SAFB: variants seen among roughly 807,000 people sequenced by gnomAD.
SAFB encodes scaffold attachment factor B.
In SAFB, 15 loss-of-function variants were observed where a neutral mutation model predicts 101.6. That is an observed-to-expected ratio of 0.15 (90% CI 0.10 to 0.23). The LOEUF is 0.23. Among genes scored for constraint, SAFB ranks in the 10% least tolerant of loss-of-function variants. SAFB has a pLI of 1.00. For missense variants in SAFB, 930 were observed against 1,104.1 expected, an observed-to-expected ratio of 0.84 and a Z score of 2.23; for synonymous variants, 449 against 407.5, an observed-to-expected ratio of 1.10 and a Z score of -1.23.
At chr19:5,653,519 T>C in intron 11 of SAFB, 99 bp downstream of exon 11, 1 of 1,012,986 alleles carries the variant, frequency 9.9e-7, no homozygotes, top group Non-Finnish European at 1.5e-6. Context: ...CAGACTGGAG[T>C]GCAGTGGTGT....
intron 9 of SAFB, 42 bp downstream of exon 9, chr19:5,651,114 G>A (rs2053928918): frequency 4.6e-6 from 6 of 1,290,840 alleles, no homozygotes; most frequent in Admixed American, 1.9e-5. Context: ...TTTGAAACCA[G>A]CGTTGTGTGG....
At chr19:5,640,937 T>C (rs1346880076) in intron 2 of SAFB, among the ~76,000 whole-genome samples, 1 of 149,932 alleles carries the variant, frequency 6.7e-6, no homozygotes, top group African/African-American at 2.5e-5. Flanking sequence ...TTTTTCTTTT[T>C]TTTTTTTTTT....
chr19:5,655,077 C>T (rs2054026018), intron 13 of SAFB, among the ~76,000 whole-genome samples: 2 of 152,206 alleles, frequency 1.3e-5, no homozygotes, highest in African/African-American at 4.8e-5. Flanking sequence ...CAGTGTGGAG[C>T]ATGCCATGGT....
intron 2 of SAFB, among the ~76,000 whole-genome samples, chr19:5,627,626 T>TG (rs2053395702): frequency 6.6e-6 from 1 of 152,160 alleles, no homozygotes; most frequent in Admixed American, 6.6e-5. Flanking sequence ...AAATCTCTCT[T>TG]GCCCATCCCC....
intron 2 of SAFB, among the ~76,000 whole-genome samples, chr19:5,633,013 T>C (rs2053522376): frequency 6.6e-6 from 1 of 152,268 alleles, no homozygotes; most frequent in Non-Finnish European, 1.5e-5. Context: ...CACTGGAAAG[T>C]TACTGTCTTC....
Position 5,653,325 on chromosome 19 carries a change from T to G in SAFB, c.1444-13T>G. Reference sequence around the variant, plus strand: ...ATTAGGAAATGGGGGTAATACTTGATTCTCTTTTTCAGGCCAAAAATGAAC... The same window carrying G: ...ATTAGGAAATGGGGGTAATACTTGAGTCTCTTTTTCAGGCCAAAAATGAAC... On this transcript the variant is annotated splice_polypyrimidine_tract_variant and intron_variant, in intron 10 of 20. Transcript: ENST00000588852. The G allele has an allele frequency of 1.2e-6, 2 of 1,614,122 alleles. No homozygotes were observed. The highest frequency in any genetic ancestry group is 4.5e-5 in the East Asian group (2 of 44,892).
At chr19:5,638,111 TG>T (rs1169492062) in intron 2 of SAFB, among the ~76,000 whole-genome samples, 2 of 152,206 alleles carry the variant, frequency 1.3e-5, no homozygotes, top group Admixed American at 1.3e-4. Context: ...TACTGCTGTT[TG>T]GATGAAGGTG....
intron 2 of SAFB, among the ~76,000 whole-genome samples, chr19:5,627,255 G>C (rs1201245273): frequency 6.6e-6 from 1 of 152,080 alleles, no homozygotes; most frequent in Non-Finnish European, 1.5e-5. Context: ...CAAGGCAGGA[G>C]AATGGTTTCA....
At chr19:5,658,557 A>C (rs1322762965) in intron 14 of SAFB, among the ~76,000 whole-genome samples, 1 of 152,002 alleles carries the variant, frequency 6.6e-6, no homozygotes, top group Non-Finnish European at 1.5e-5. Context: ...CTGGGCATGT[A>C]GGCCAGGCGC....
intron 2 of SAFB, among the ~76,000 whole-genome samples, chr19:5,637,336 T>C (rs2053616284): frequency 2.4e-5 from 3 of 127,068 alleles, no homozygotes; most frequent in African/African-American, 6.2e-5. Context: ...AGAGCCAGAC[T>C]CCATCTCAAA....
At chr19:5,655,671 A>G (rs1252809842) in intron 13 of SAFB, among the ~76,000 whole-genome samples, 1 of 152,068 alleles carries the variant, frequency 6.6e-6, no homozygotes, top group African/African-American at 2.4e-5. Flanking sequence ...AGGAGGAACC[A>G]TTTCACTTGG....
At chr19:5,650,116 T>A in intron 8 of SAFB, 141 bp downstream of exon 8, 1 of 670,276 alleles carries the variant, frequency 1.5e-6, no homozygotes, top group Non-Finnish European at 2.6e-6. Context: ...CCTTCTCTGC[T>A]GTTACCGCTA....
intron 2 of SAFB, among the ~76,000 whole-genome samples, chr19:5,636,949 T>TC: frequency 6.6e-6 from 1 of 151,744 alleles, no homozygotes; most frequent in Middle Eastern, 3.4e-3. Flanking sequence ...CCTCAAGTGA[T>TC]CCACCCACCT....
At chr19:5,627,658 G>T (rs573523671) in intron 2 of SAFB, among the ~76,000 whole-genome samples, 5 of 152,018 alleles carry the variant, frequency 3.3e-5, no homozygotes, top group African/African-American at 9.6e-5. Flanking sequence ...CTTTAGTCAG[G>T]CCCCAAACAC....
At chr19:5,654,992 C>T (rs2054022044) in intron 13 of SAFB, among the ~76,000 whole-genome samples, 1 of 152,200 alleles carries the variant, frequency 6.6e-6, no homozygotes, top group Non-Finnish European at 1.5e-5. Context: ...TTCCCTGAGT[C>T]GGTGTGTGGC....
chr19:5,649,131 A>G lies in SAFB; in HGVS notation c.780A>G (p.Leu260=), dbSNP rs1164226236. Residue 260 remains leucine, a synonymous_variant, in exon 7 of 21, where the codon CTA becomes CTG. Coordinates refer to ENST00000588852, the MANE Select transcript of SAFB (RefSeq NM_001201338.2). ...PDRKLAEEED[L]FDSAHPEEGD... is the part of the protein sequence containing the mutation. ...GAAAGCTTGCGGAGGAAGAGGACCT[A>G]TTTGACAGCGCCCATCCGGAAGAGG... 6.0e-5 allele frequency: 25 copies of G among 413,616 alleles called. No homozygotes were observed. Among genetic ancestry groups the G allele is most frequent in the African/African-American group, 6.8e-5 (1 of 14,748 alleles). The allele number at this position is 413,616 out of a possible 1,614,324, so 25.6% of individuals were successfully genotyped here.
intron 1 of SAFB, among the ~76,000 whole-genome samples, chr19:5,625,074 T>C (rs1388169847): frequency 6.6e-6 from 1 of 152,132 alleles, no homozygotes; most frequent in Non-Finnish European, 1.5e-5. Flanking sequence ...TCCTTCTTCC[T>C]TCTCCTTTTC....
At chr19:5,663,470 C>T (rs540006229) in intron 15 of SAFB, among the ~76,000 whole-genome samples, 3 of 152,190 alleles carry the variant, frequency 2.0e-5, no homozygotes, top group Non-Finnish European at 4.4e-5. Flanking sequence ...CTTTCTATTG[C>T]ATGGGTTGAA....
chr19:5,664,088 T>C lies in SAFB; in HGVS notation c.2220T>C (p.Phe740=), dbSNP rs750255246. The C allele has an allele frequency of 8.7e-6, 14 of 1,613,896 alleles. No homozygotes were observed. In the East Asian group the frequency reaches 2.7e-4, roughly 31 times the overall value. ...TGGATGAGCGCTACCATTCTGACTT[T>C]AACCGCCAGGACCGCTTCCACGACT... ...AALDERYHSD[F]NRQDRFHDFD... The change falls in exon 16 of 21, where the codon TTT becomes TTC. Residue 740 remains phenylalanine (F), a synonymous_variant. Transcript: ENST00000588852.
Sources: allele counts gnomAD v4.1 joint callset (sites outside exome capture counted in the v4.1 genomes callset), GRCh38; gene constraint gnomAD v4.1.1; transcripts MANE v1.5; gene names NCBI Gene and HGNC (gene_info 2026-07-23, HGNC 2026-07-21).